The following PTPRS variants were observed in gnomAD, a reference collection of about 807,000 sequenced individuals.
The protein encoded by PTPRS is receptor-type tyrosine-protein phosphatase S.
PTPRS carries 63 observed loss-of-function variants against 215.3 expected under a neutral mutation model. The observed-to-expected ratio is 0.29, with a 90% confidence interval of 0.24 to 0.36. PTPRS has a LOEUF of 0.36. Among genes scored for constraint, PTPRS ranks in the 10% least tolerant of loss-of-function variants. PTPRS has a pLI of 1.00. For missense variants in PTPRS, 2,258 were observed against 2,825.8 expected (o/e 0.80, Z 4.56); for synonymous variants, 1,404 against 1,191.4 (o/e 1.18, Z -3.68).
At position 5,212,058 on chromosome 19, in the gene PTPRS, T is replaced by G. The variant is rs2040949578; in HGVS notation, c.4962A>C (p.Thr1654=). Reference sequence around the variant, plus strand: ...CATAGAGGCTGCGTGCGGGCACTTCTGTGTTGCCACAGCCCACGGCCTCCA... The same window carrying G: ...CATAGAGGCTGCGTGCGGGCACTTCGGTGTTGCCACAGCCCACGGCCTCCA... ...ALLEAVGCGN[T]EVPARSLYAY... The change falls in exon 32 of 38, where the codon ACA becomes ACC. Residue 1654 remains threonine, a synonymous_variant. Coordinates refer to ENST00000262963, the MANE Select transcript of PTPRS (RefSeq NM_002850.4). 1.2e-6 allele frequency: 2 copies of G among 1,613,972 alleles called. No homozygotes were observed. Among genetic ancestry groups the G allele is most frequent in the South Asian group, 2.2e-5 (2 of 91,096 alleles).
At chr19:5,321,773 G>C (rs2050030195) in intron 1 of PTPRS, among the ~76,000 whole-genome samples, 1 of 151,390 alleles carries the variant, frequency 6.6e-6, no homozygotes, top group African/African-American at 2.4e-5. Context: ...TTTCCAGATG[G>C]GTAAACTGAG....
chr19:5,313,479 A>C (rs573871395), intron 1 of PTPRS, among the ~76,000 whole-genome samples: 27 of 152,172 alleles, frequency 1.8e-4, no homozygotes, highest in Non-Finnish European at 2.9e-4. Context: ...GGCTCGTCGG[A>C]AAACAAATCG....
chr19:5,243,780 A>G (rs2044247638), intron 11 of PTPRS, 121 bp downstream of exon 11: 3 of 945,268 alleles, frequency 3.2e-6, no homozygotes, highest in Admixed American at 3.4e-5. Context: ...CCTAAATGCT[A>G]GCATGAAAAT....
At chr19:5,243,458 A>G (rs1323455741) in intron 11 of PTPRS, among the ~76,000 whole-genome samples, 1 of 151,846 alleles carries the variant, frequency 6.6e-6, no homozygotes, top group African/African-American at 2.4e-5. Context: ...TTTAAATGCT[A>G]GCATGAAAAT....
At chr19:5,305,275 G>A (rs1324569710) in intron 1 of PTPRS, among the ~76,000 whole-genome samples, 1 of 152,154 alleles carries the variant, frequency 6.6e-6, no homozygotes, top group African/African-American at 2.4e-5. Context: ...GCCGAGCATG[G>A]TGGCTCATGC....
chr19:5,267,650 G>GCA (rs2046519735), intron 4 of PTPRS, among the ~76,000 whole-genome samples: 1 of 97,478 alleles, frequency 1.0e-5, no homozygotes, highest in Non-Finnish European at 2.3e-5. Context: ...GAGCAAGACT[G>GCA]TCTCAAAAAA....
At chr19:5,319,243 A>G (rs1174132876) in intron 1 of PTPRS, among the ~76,000 whole-genome samples, 1 of 151,890 alleles carries the variant, frequency 6.6e-6, no homozygotes, top group Non-Finnish European at 1.5e-5. Flanking sequence ...AAAACCCATC[A>G]CTACTAAAAA....
intron 13 of PTPRS, among the ~76,000 whole-genome samples, chr19:5,234,307 G>A (rs1165255209): frequency 1.3e-5 from 2 of 152,178 alleles, no homozygotes; most frequent in Non-Finnish European, 1.5e-5. Context: ...CACCTACTGT[G>A]TGCCAGATAG....
intron 4 of PTPRS, among the ~76,000 whole-genome samples, chr19:5,268,322 T>C (rs1239805429): frequency 6.6e-6 from 1 of 152,092 alleles, no homozygotes. Flanking sequence ...GCCAAAAATA[T>C]TTACTTCCTG....
rs1435927541 is a variant in PTPRS at position 5,229,647 on chromosome 19, C to T, written c.2193G>A (p.Ala731=). The T allele has an allele frequency of 2.3e-6, 3 of 1,308,364 alleles. No individual in the cohort carries two copies. The highest frequency in any genetic ancestry group is 2.9e-6 in the Non-Finnish European group (3 of 1,034,756). 81.0% of individuals were successfully genotyped at this position (1,308,364 alleles called of 1,614,324 possible). A position where few individuals can be genotyped will look rare whatever the true frequency, so the allele number is the denominator to read the frequency against. Residue 731 remains alanine (A), a synonymous_variant, in exon 15 of 38, where the codon GCG becomes GCA. Transcript: ENST00000262963. ...GCACGCGGATGGCCGTGGCGTTGAG[C>T]GCCTCCGCCTCCACCTTCCGCGGCG... ...SAPPRKVEAE[A]LNATAIRVLW... is the part of the protein sequence containing the mutation.
chr19:5,246,104 G>T, intron 9 of PTPRS, 59 bp from the exon 10 acceptor site: 1 of 1,049,934 alleles, frequency 9.5e-7, no homozygotes, highest in Non-Finnish European at 1.3e-6. Context: ...GTGGGGTGAG[G>T]TTGGGAGGGG....
intron 12 of PTPRS, 109 bp from the exon 13 acceptor site, chr19:5,239,172 A>G: frequency 1.4e-6 from 1 of 702,136 alleles, no homozygotes; most frequent in Non-Finnish European, 2.3e-6. Flanking sequence ...GGGGAGAGAG[A>G]GAGAGAGAGA....
intron 30 of PTPRS, among the ~76,000 whole-genome samples, chr19:5,213,920 A>G (rs548375271): frequency 2.6e-5 from 4 of 152,312 alleles, no homozygotes; most frequent in Admixed American, 6.5e-5. Context: ...AGTTAAATAC[A>G]TATCTAAAAG....
At position 5,244,402 on chromosome 19, in the gene PTPRS, G is replaced by T; in HGVS notation, c.1069C>A (p.Pro357Thr). The T allele has an allele frequency of 2.5e-6, 4 of 1,614,208 alleles. No individual in the cohort carries two copies. The highest frequency in any genetic ancestry group is 3.4e-6 in the Non-Finnish European group (4 of 1,180,048). ...ATGACGTAATAGGACACAGGATCTG[G>T]GTTGCCCGAGTCCCACGTGATGGTG... Reference protein sequence around the residue: ...SITITWDSGNPDPVSYYVIEY... With the variant: ...SITITWDSGNTDPVSYYVIEY... Residue 357 changes from proline to threonine, a missense_variant, in exon 11 of 38, where the codon CCA becomes ACA. Pro to Thr is a conservative substitution (Grantham distance 38). Around this residue, in one of 6 missense-constraint regions of PTPRS, gnomAD observed 508 missense variants for 799.4 expected, o/e 0.64. Coordinates refer to ENST00000262963, the MANE Select transcript of PTPRS (RefSeq NM_002850.4). The surrounding 1 kb of genome is among the most constrained non-coding windows in gnomAD (Gnocchi z 7.2).
chr19:5,330,180 G>C (rs558158675), intron 1 of PTPRS, among the ~76,000 whole-genome samples: 58 of 152,234 alleles, frequency 3.8e-4, no homozygotes, highest in African/African-American at 1.4e-3. Context: ...GTGACTGCAG[G>C]GCCCCCGTGA....
chr19:5,277,899 G>A, intron 2 of PTPRS: 1 of 1,222,494 alleles, frequency 8.2e-7, no homozygotes, highest in Non-Finnish European at 1.2e-6. Context: ...AGATCTTGAT[G>A]CCCAACAGTG....
chr19:5,211,422 G>A (rs146317619), intron 33 of PTPRS, among the ~76,000 whole-genome samples, 168 bp downstream of exon 33: 6 of 152,150 alleles, frequency 3.9e-5, no homozygotes, highest in African/African-American at 1.4e-4. Context: ...CACACCCAAA[G>A]ATTCACGGAC....
chr19:5,220,863 C>A, intron 20 of PTPRS, 137 bp downstream of exon 20: 1 of 1,012,210 alleles, frequency 9.9e-7, no homozygotes, highest in Non-Finnish European at 1.4e-6. Context: ...TCTTGGATGA[C>A]CCCATGAACT....
In PTPRS at chr19:5,222,914, C is replaced by T. The variant is rs749356058; in HGVS notation, c.2878G>A (p.Gly960Arg). 15 of 1,568,068 alleles carry T rather than the reference C, an allele frequency of 9.6e-6. No individual in the cohort carries two copies. The highest frequency in any genetic ancestry group is 1.1e-5 in the South Asian group (1 of 87,508). Reference protein sequence around the residue: ...WLPPVPAERNGAIVKYTVAVR... With the variant: ...WLPPVPAERNRAIVKYTVAVR... ...GCCACCGTGTATTTGACGATGGCCC[C>T]GTTGCGCTCGGCGGGCACGGGTGGC... The change falls in exon 18 of 38, where the codon GGG becomes AGG. Residue 960 changes from glycine (G) to arginine (R), a missense_variant. Coordinates refer to ENST00000262963, the MANE Select transcript of PTPRS (RefSeq NM_002850.4).
Sources: gnomAD v4.1 joint callset for allele counts (sites outside exome capture counted in the v4.1 genomes callset) on GRCh38, gnomAD v4.1.1 for gene constraint, gnomAD v4.1.1 regional missense constraint, Gnocchi (gnomAD v3.1) non-coding constraint, MANE v1.5 for transcripts, NCBI Gene and HGNC (gene_info 2026-07-23, HGNC 2026-07-21) for gene names.